Variants in NR2C2 observed in about 807,000 individuals in gnomAD.
The protein encoded by NR2C2 is nuclear receptor subfamily 2 group C member 2.
Under a neutral mutation model 62.9 loss-of-function variants are expected in NR2C2, and 6 were observed. That is an observed-to-expected ratio of 0.10 (90% confidence interval 0.05 to 0.19). The LOEUF (loss-of-function observed/expected upper bound fraction) is 0.19, where lower values mean the gene tolerates loss of function less well. NR2C2 is among the 10% of genes least tolerant of loss of function. NR2C2 has a pLI of 1.00. For synonymous variants in NR2C2, 272 were observed against 273.8 expected (o/e 0.99, Z 0.07); for missense variants, 479 against 762.7 (o/e 0.63, Z 4.38).
chr3:15,015,640 G>C (rs758612605), intron 3 of NR2C2, among the ~76,000 whole-genome samples: 8 of 152,162 alleles, frequency 5.3e-5, no homozygotes, highest in Non-Finnish European at 8.8e-5. Context: ...CCTGACCCTG[G>C]GAAACCAGCC....
At chr3:15,034,610 C>G in intron 10 of NR2C2, 60 bp from the exon 11 acceptor site, 1 of 1,573,552 alleles carries the variant, frequency 6.4e-7, no homozygotes, top group Non-Finnish European at 8.7e-7. Flanking sequence ...GCCTGGATGC[C>G]CCACAACCTT....
At chr3:14,981,954 G>A (rs550617447) in intron 1 of NR2C2, among the ~76,000 whole-genome samples, 1 of 152,306 alleles carries the variant, frequency 6.6e-6, no homozygotes, top group East Asian at 1.9e-4. Flanking sequence ...ACTAGATGGT[G>A]CTTTCTCAGA....
intron 1 of NR2C2, among the ~76,000 whole-genome samples, chr3:14,970,937 A>G (rs1480729176): frequency 6.6e-6 from 1 of 152,248 alleles, no homozygotes; most frequent in African/African-American, 2.4e-5. Flanking sequence ...TCAAGTACCT[A>G]TATAACCATT....
At chr3:14,998,124 T>C (rs1389274692) in intron 1 of NR2C2, among the ~76,000 whole-genome samples, 1 of 152,254 alleles carries the variant, frequency 6.6e-6, no homozygotes, top group Non-Finnish European at 1.5e-5. Context: ...TGCCAAATAA[T>C]ACTCCATTAC....
chr3:15,020,030 C>T (rs1424951656), intron 4 of NR2C2, among the ~76,000 whole-genome samples: 1 of 152,072 alleles, frequency 6.6e-6, no homozygotes, highest in African/African-American at 2.4e-5. Flanking sequence ...TGGACATGGA[C>T]AATTACAATG....
In NR2C2 at chr3:15,013,831, T is replaced by C. The variant is rs771161890; in HGVS notation, c.273+42T>C. On this transcript the variant is annotated intron_variant, in intron 3 of 13. Transcript: ENST00000425241. ...GGTATTTGTTTCAGCACTTCTGCTATTGAACTTGTTCCTGACTTGTTCTTA... is the reference window on the plus strand; with the variant it reads ...GGTATTTGTTTCAGCACTTCTGCTACTGAACTTGTTCCTGACTTGTTCTTA... 55 of 1,599,010 alleles carry C rather than the reference T, an allele frequency of 3.4e-5. 1 individual carries two copies. Among genetic ancestry groups the C allele is most frequent in the Middle Eastern group, 1.7e-4 (1 of 6,056 alleles).
At chr3:15,032,806 A>T (rs2042012879) in intron 10 of NR2C2, among the ~76,000 whole-genome samples, 1 of 152,140 alleles carries the variant, frequency 6.6e-6, no homozygotes, top group African/African-American at 2.4e-5. Context: ...GCACAGTGTG[A>T]CTCAACAAAC....
chr3:15,015,517 C>T (rs993175489), intron 3 of NR2C2, among the ~76,000 whole-genome samples: 9 of 152,146 alleles, frequency 5.9e-5, no homozygotes, highest in African/African-American at 9.7e-5. Context: ...CAAGTTGTTA[C>T]GGGAAGAATC....
intron 2 of NR2C2, among the ~76,000 whole-genome samples, chr3:15,013,011 G>A (rs944302575): frequency 6.6e-6 from 1 of 152,146 alleles, no homozygotes; most frequent in Non-Finnish European, 1.5e-5. Flanking sequence ...CTGGCCCTGG[G>A]GATATAGCAG....
At chr3:14,985,593 AT>A (rs1420105153) in intron 1 of NR2C2, among the ~76,000 whole-genome samples, 1 of 152,178 alleles carries the variant, frequency 6.6e-6, no homozygotes, top group East Asian at 1.9e-4. Context: ...GGTTTTTAAA[AT>A]TTAAACTAAA....
At chr3:14,963,608 A>C (rs1574932179) in intron 1 of NR2C2, among the ~76,000 whole-genome samples, 1 of 151,704 alleles carries the variant, frequency 6.6e-6, no homozygotes, top group South Asian at 2.1e-4. Context: ...AGCTGGGACT[A>C]CAGGCACCCG....
At chr3:14,976,794 T>C (rs1008328817) in intron 1 of NR2C2, among the ~76,000 whole-genome samples, 1 of 152,122 alleles carries the variant, frequency 6.6e-6, no homozygotes, top group Non-Finnish European at 1.5e-5. Flanking sequence ...TTTGAAGGCA[T>C]CATTTTATTG....
In NR2C2 at chr3:14,970,184, T is replaced by G. The variant is rs370106718; in HGVS notation, c.-40+22278T>G. 9.5e-5 allele frequency among the ~76,000 whole-genome samples: 14 copies of G among 147,934 alleles called. No individual in the cohort carries two copies. In the South Asian group the frequency reaches 3.0e-3, roughly 31 times the overall value. On this transcript the variant is annotated intron_variant, in intron 1 of 13. Transcript: ENST00000425241. ...AATTTGATTTCTTCTGGTATTTAAC[T>G]TCATGCTTTAAAAAATGTCCTTACC...
In NR2C2 at chr3:15,042,825, CT is replaced by C; in HGVS notation, c.1617-5del. On this transcript the variant is annotated splice_polypyrimidine_tract_variant and splice_region_variant and intron_variant, in intron 13 of 13. Coordinates refer to ENST00000425241, the MANE Select transcript of NR2C2 (RefSeq NM_001291694.2). ...CAGTCTCCTTTTCTAATGACACTCC[CT>C]TTTATAGATTGGCCCGGATCCTCGT... 1 of 1,612,634 alleles carries C rather than the reference CT, an allele frequency of 6.2e-7. No homozygotes were observed. Among genetic ancestry groups the C allele is most frequent in the East Asian group, 2.2e-5 (1 of 44,880 alleles).
At chr3:15,024,413 A>G (rs914883620) in intron 7 of NR2C2, among the ~76,000 whole-genome samples, 1 of 152,258 alleles carries the variant, frequency 6.6e-6, no homozygotes, top group Non-Finnish European at 1.5e-5. Flanking sequence ...CTGGCTGGTC[A>G]TAATCACTGT....
chr3:15,012,746 C>T (rs1559291514), intron 2 of NR2C2, among the ~76,000 whole-genome samples: 1 of 152,072 alleles, frequency 6.6e-6, no homozygotes, highest in South Asian at 2.1e-4. Flanking sequence ...AGAGGCAGGA[C>T]GGGGATTAGA....
Position 15,042,969 on chromosome 3 carries a change from A to G in NR2C2, c.1752A>G (p.Thr584=), listed in dbSNP as rs564350558. ...SIIPYILKME[T]AEYNGQITGA... ...TCCCCTACATCCTCAAGATGGAGAC[A>G]GCAGAGTATAATGGCCAGATCACCG... The change falls in exon 14 of 14, where the codon ACA becomes ACG. Residue 584 remains threonine, a synonymous_variant. Transcript: ENST00000425241. 6 of 1,614,252 alleles carry G rather than the reference A, an allele frequency of 3.7e-6. No homozygotes were observed. The highest frequency in any genetic ancestry group is 1.3e-5 in the African/African-American group (1 of 75,060).
chr3:15,024,227 G>A lies in NR2C2; in HGVS notation c.798+19G>A, dbSNP rs372044110. 7 of 1,537,658 alleles carry A rather than the reference G, an allele frequency of 4.6e-6. No individual in the cohort carries two copies. In the Admixed American group the frequency reaches 5.4e-5, roughly 12 times the overall value. On this transcript the variant is annotated intron_variant, in intron 7 of 13. Coordinates refer to ENST00000425241, the MANE Select transcript of NR2C2 (RefSeq NM_001291694.2). ...TTCTAAGGTGACGTTCTCTACTCAT[G>A]CTCTCTCTCATCCTTTATGTTGACA... is the stretch of plus-strand genomic sequence containing the variant.
At chr3:15,030,541 C>A in intron 9 of NR2C2, 89 bp downstream of exon 9, 1 of 1,367,654 alleles carries the variant, frequency 7.3e-7, no homozygotes, top group Non-Finnish European at 9.7e-7. Context: ...AAAATCAAAC[C>A]TTGGGGCCAG....
Sources: allele counts gnomAD v4.1 joint callset (sites outside exome capture counted in the v4.1 genomes callset), GRCh38; gene constraint gnomAD v4.1.1; transcripts MANE v1.5; gene names NCBI Gene and HGNC (gene_info 2026-07-23, HGNC 2026-07-21).